KIF6: variants seen among roughly 807,000 people sequenced by gnomAD.
The protein encoded by KIF6 is kinesin-like protein KIF6.
A neutral mutation model predicts 112.7 loss-of-function variants in KIF6; 106 were observed. The ratio of observed to expected loss-of-function variants is 0.94; its 90% CI spans 0.80 to 1.11. The LOEUF is 1.11. Ranked by LOEUF, KIF6 falls within the 50% of genes least tolerant of loss-of-function variation. The pLI is 0.00. For missense variants in KIF6, 929 were observed against 964.0 expected (o/e 0.96, Z 0.48); for synonymous variants, 339 against 339.9 (o/e 1.00, Z 0.03).
chr6:39,638,403 T>A (rs1223185265), intron 4 of KIF6, among the ~76,000 whole-genome samples: 1 of 152,034 alleles, frequency 6.6e-6, no homozygotes, highest in Non-Finnish European at 1.5e-5. Context: ...ATGAAAACTA[T>A]TAGGAATTAT....
intron 15 of KIF6, among the ~76,000 whole-genome samples, chr6:39,389,128 G>A (rs889304195): frequency 6.6e-6 from 1 of 152,220 alleles, no homozygotes; most frequent in African/African-American, 2.4e-5. Context: ...GGTGCTCTGT[G>A]TGGTATATGG....
intron 15 of KIF6, among the ~76,000 whole-genome samples, chr6:39,391,578 G>A (rs1343440720): frequency 3.9e-5 from 6 of 152,146 alleles, no homozygotes; most frequent in Non-Finnish European, 8.8e-5. Context: ...CTGGATTGGG[G>A]GCCTGGAGGG....
Position 39,487,250 on chromosome 6 carries a change from C to T in KIF6, c.1645+52753G>A, listed in dbSNP as rs554650445. ...ATATACTACGTTGCTGTCATGGATACTGTGGGTGTCAGCTATATCCCCATT... is the reference window on the plus strand; with the variant it reads ...ATATACTACGTTGCTGTCATGGATATTGTGGGTGTCAGCTATATCCCCATT... On this transcript the variant is annotated intron_variant, in intron 13 of 22. Transcript: ENST00000287152. Among the ~76,000 whole-genome samples the T allele has an allele frequency of 2.6e-5, 4 of 152,300 alleles. No individual in the cohort carries two copies. The South Asian group carries it at 8.3e-4, about 32-fold the overall frequency.
At chr6:39,569,520 A>C (rs916768018) in intron 10 of KIF6, among the ~76,000 whole-genome samples, 1 of 152,252 alleles carries the variant, frequency 6.6e-6, no homozygotes, top group Non-Finnish European at 1.5e-5. Flanking sequence ...AACTTCAAAC[A>C]TATTGAAGAA....
chr6:39,712,793 A>G (rs897090141), intron 3 of KIF6, among the ~76,000 whole-genome samples: 7 of 152,030 alleles, frequency 4.6e-5, no homozygotes, highest in South Asian at 2.1e-4. Context: ...CACACCCCAG[A>G]GCCTGTCATG....
intron 3 of KIF6, among the ~76,000 whole-genome samples, chr6:39,708,624 C>G (rs893512244): frequency 5.9e-5 from 9 of 152,266 alleles, no homozygotes; most frequent in Middle Eastern, 3.4e-3. Context: ...CAAAATTACT[C>G]ACTGCACATA....
At chr6:39,442,470 A>G (rs1771973834) in intron 13 of KIF6, among the ~76,000 whole-genome samples, 1 of 152,228 alleles carries the variant, frequency 6.6e-6, no homozygotes, top group Admixed American at 6.5e-5. Flanking sequence ...GGGCTGTTAC[A>G]GAAATCCGTG....
chr6:39,583,950 G>C (rs1216118466), intron 9 of KIF6, among the ~76,000 whole-genome samples: 1 of 151,276 alleles, frequency 6.6e-6, no homozygotes, highest in East Asian at 1.9e-4. Flanking sequence ...AAATTTTTTT[G>C]CTTAAAAACA....
chr6:39,681,227 A>G (rs1300727720), intron 3 of KIF6, among the ~76,000 whole-genome samples: 1 of 152,224 alleles, frequency 6.6e-6, no homozygotes, highest in African/African-American at 2.4e-5. Flanking sequence ...GATCTTCATA[A>G]TATAACCAAG....
intron 6 of KIF6, among the ~76,000 whole-genome samples, chr6:39,599,452 T>C (rs191404545): frequency 3.3e-5 from 5 of 152,328 alleles, no homozygotes; most frequent in Admixed American, 3.3e-4. Flanking sequence ...GTCAAAATGC[T>C]GGCATAGTTT....
intron 13 of KIF6, among the ~76,000 whole-genome samples, chr6:39,481,853 C>T (rs1774817108): frequency 6.6e-6 from 1 of 152,170 alleles, no homozygotes; most frequent in South Asian, 2.1e-4. Flanking sequence ...TCACTGTCTT[C>T]CAAGGCCGCT....
At chr6:39,699,568 C>A (rs527440402) in intron 3 of KIF6, among the ~76,000 whole-genome samples, 2 of 152,242 alleles carry the variant, frequency 1.3e-5, no homozygotes, top group South Asian at 4.1e-4. Flanking sequence ...GCCTTTTTGG[C>A]AGGGCTGGCT....
intron 7 of KIF6, among the ~76,000 whole-genome samples, chr6:39,588,133 A>C (rs1781737375): frequency 6.6e-6 from 1 of 151,980 alleles, no homozygotes; most frequent in Non-Finnish European, 1.5e-5. Context: ...CCCGGGGCTC[A>C]GTTCTTGATC....
At chr6:39,718,324 G>A (rs942272961) in intron 2 of KIF6, 3 of 150,704 alleles carry the variant, frequency 2.0e-5, no homozygotes, top group Admixed American at 1.3e-4. Context: ...GAATCATGTT[G>A]AATAAAATAT....
rs550243039 is a variant in KIF6 at position 39,478,501 on chromosome 6, G to A, written c.1646-47340C>T. On this transcript the variant is annotated intron_variant, in intron 13 of 22. Transcript: ENST00000287152. ...GCAAATTGTGCTGCTATAAACATGA[G>A]TGTGCTAGTATCTTTTTTGTATAAT... 1.1e-4 allele frequency among the ~76,000 whole-genome samples: 16 copies of A among 152,296 alleles called. No individual in the cohort carries two copies. The South Asian group carries it at 3.3e-3, about 32-fold the overall frequency.
intron 22 of KIF6, among the ~76,000 whole-genome samples, chr6:39,336,882 T>C (rs9462532): frequency 0.32 from 48,004 of 150,146 alleles, 10,820 homozygotes; most frequent in African/African-American, 0.65. Context: ...TCCTTTCTTC[T>C]GTCCTTCCTT....
intron 14 of KIF6, among the ~76,000 whole-genome samples, chr6:39,429,716 G>A (rs1445580447): frequency 6.6e-6 from 1 of 152,130 alleles, no homozygotes; most frequent in Non-Finnish European, 1.5e-5. Flanking sequence ...AGACCATCGT[G>A]GCTAACACAG....
At position 39,714,715 on chromosome 6, in the gene KIF6, G is replaced by A. The variant is rs1335212948; in HGVS notation, c.228C>T (p.Asn76=). ...QDANQETVFE[N]IAKPVAGSVL... is the part of the protein sequence containing the mutation. ...ACCTCCCAGCAACTGGTTTGGCAAT[G>A]TTTTCAAAAACGGTCTCTTGGTTTG... The change falls in exon 3 of 23, where the codon AAC becomes AAT. Residue 76 remains asparagine, a synonymous_variant. Coordinates refer to ENST00000287152, the MANE Select transcript of KIF6 (RefSeq NM_145027.6). 1 of 1,613,628 alleles carries A rather than the reference G, an allele frequency of 6.2e-7. No homozygotes were observed. Among genetic ancestry groups the A allele is most frequent in the East Asian group, 2.2e-5 (1 of 44,880 alleles).
intron 19 of KIF6, among the ~76,000 whole-genome samples, chr6:39,355,856 T>C (rs1764634986): frequency 6.6e-6 from 1 of 152,106 alleles, no homozygotes; most frequent in South Asian, 2.1e-4. Context: ...AGATCCCATG[T>C]AGCCTGTACC....
Sources: allele counts gnomAD v4.1 joint callset (sites outside exome capture counted in the v4.1 genomes callset), GRCh38; gene constraint gnomAD v4.1.1; transcripts MANE v1.5; gene names NCBI Gene and HGNC (gene_info 2026-07-23, HGNC 2026-07-21).